Variants in YTHDC1 observed in about 807,000 individuals in gnomAD.
The protein encoded by YTHDC1 is YTH N6-methyladenosine RNA binding protein C1, also known as YTH domain-containing protein 1.
In YTHDC1, 12 loss-of-function variants were observed where a neutral mutation model predicts 107.0. That is an observed-to-expected ratio of 0.11 (90% CI 0.07 to 0.18). YTHDC1 has a LOEUF of 0.18. YTHDC1 is among the 10% of genes least tolerant of loss of function. YTHDC1 has a pLI of 1.00. For synonymous variants in YTHDC1, 280 were observed against 289.5 expected (o/e 0.97, Z 0.33); for missense variants, 635 against 898.8 (o/e 0.71, Z 3.75).
chr4:68,337,861 G>T lies in YTHDC1; in HGVS notation c.170C>A (p.Thr57Asn), dbSNP rs747785716. ...RKSDRMESTDTKRQKPSVHSR... is the reference protein window; with the variant it reads ...RKSDRMESTDNKRQKPSVHSR... ...ATGGACAGAAGGCTTTTGTCGTTTG[G>T]TATCAGTAGATTCCATTCGATCACT... Residue 57 changes from threonine (T) to asparagine (N), a missense_variant, in exon 3 of 17, where the codon ACC (threonine) becomes AAC (asparagine). Physicochemically the swap from Thr to Asn is moderately conservative, Grantham distance 65. This residue lies in a region of YTHDC1 where 294 missense variants were observed against 312.3 expected (regional missense o/e 0.94). Transcript: ENST00000344157. The T allele has an allele frequency of 6.2e-7, 1 of 1,613,166 alleles. No homozygotes were observed. The highest frequency in any genetic ancestry group is 2.2e-5 in the East Asian group (1 of 44,840).
intron 7 of YTHDC1, among the ~76,000 whole-genome samples, chr4:68,331,066 T>C (rs893508628): frequency 3.3e-5 from 5 of 152,120 alleles, no homozygotes; most frequent in African/African-American, 4.8e-5. Context: ...AAGTCCCTTA[T>C]ATAAAATGGC....
At chr4:68,343,543 ATTTTTTTTTTTTTTG>A in intron 1 of YTHDC1, among the ~76,000 whole-genome samples, 1 of 107,354 alleles carries the variant, frequency 9.3e-6, no homozygotes, top group East Asian at 2.5e-4. Context: ...AAAAAAAAAA[ATTTTTTTTTTTTTTG>A]AGACAGTCTC....
At chr4:68,334,165 CCTAT>C (rs36029036) in intron 4 of YTHDC1, among the ~76,000 whole-genome samples, 6,577 of 152,126 alleles carry the variant, frequency 0.043, 433 homozygotes, top group African/African-American at 0.15. Context: ...ATTCAGCTCT[CCTAT>C]CTGTTTATTT....
At position 68,346,099 on chromosome 4, in the gene YTHDC1, A is replaced by ATATATATATATG. The variant is rs961023477; in HGVS notation, c.28+3626_28+3627insCATATATATATA. On this transcript the variant is annotated intron_variant, in intron 1 of 16. Coordinates refer to ENST00000344157, the MANE Select transcript of YTHDC1 (RefSeq NM_001031732.4). ...TGTACATATATATATATATATATATATACACACACACCTGCATGTAACCGT... is the reference window on the plus strand; with the variant it reads ...TGTACATATATATATATATATATATATATATATATATGTACACACACACCTGCATGTAACCGT... Among the ~76,000 whole-genome samples, 791 of 141,444 alleles carry ATATATATATATG rather than the reference A, an allele frequency of 5.6e-3. 6 individuals carry two copies. The highest frequency in any genetic ancestry group is 0.02 in the African/African-American group (749 of 36,790). The allele number at this position is 141,444 out of a possible 152,430, so 92.8% of individuals were successfully genotyped here.
At position 68,349,777 on chromosome 4, in the gene YTHDC1, TGCCACCGCCGCCGCC is replaced by T; in HGVS notation, c.-39_-25del. 6.2e-7 allele frequency: 1 copy of T among 1,611,648 alleles called. No individual in the cohort carries two copies. Among genetic ancestry groups the T allele is most frequent in the Non-Finnish European group, 8.5e-7 (1 of 1,179,462 alleles). On this transcript the variant is annotated 5_prime_UTR_variant, in exon 1 of 17. Coordinates refer to ENST00000344157, the MANE Select transcript of YTHDC1 (RefSeq NM_001031732.4). ...ATGGCTCCCCTTCGGTTTCCGCCGC[TGCCACCGCCGCCGCC>T]GCTTAGACGCGACTCGCGCGGGCGC...
At chr4:68,320,739 T>C (rs1393934695) in intron 11 of YTHDC1, among the ~76,000 whole-genome samples, 1 of 152,260 alleles carries the variant, frequency 6.6e-6, no homozygotes, top group East Asian at 1.9e-4. Context: ...TACATGATCA[T>C]ACAGAAAATT....
chr4:68,332,420 T>G (rs571773459), intron 6 of YTHDC1, among the ~76,000 whole-genome samples: 1 of 152,264 alleles, frequency 6.6e-6, no homozygotes, highest in East Asian at 1.9e-4. Flanking sequence ...GATGTTCCGA[T>G]ATATCAAATC....
chr4:68,329,323 T>C (rs1271436140), intron 9 of YTHDC1, among the ~76,000 whole-genome samples: 2 of 152,200 alleles, frequency 1.3e-5, no homozygotes, highest in African/African-American at 4.8e-5. Context: ...ATAGCATTTT[T>C]CTTCTTTTTC....
intron 1 of YTHDC1, among the ~76,000 whole-genome samples, chr4:68,346,965 GT>G (rs1344891726): frequency 6.6e-6 from 1 of 152,188 alleles, no homozygotes; most frequent in Non-Finnish European, 1.5e-5. Context: ...GAGGTTGGGG[GT>G]CAGGGGAGAA....
chr4:68,316,264 T>A (rs746744277), intron 16 of YTHDC1, 50 bp downstream of exon 16: 1 of 1,561,922 alleles, frequency 6.4e-7, no homozygotes, highest in Non-Finnish European at 8.7e-7. Flanking sequence ...TTAAGTTACC[T>A]ACAGAATTCT....
At chr4:68,342,230 G>C (rs1197361319) in intron 1 of YTHDC1, among the ~76,000 whole-genome samples, 1 of 152,134 alleles carries the variant, frequency 6.6e-6, no homozygotes, top group Non-Finnish European at 1.5e-5. Context: ...GCTGGGGCTG[G>C]GGCTGAAATC....
At position 68,322,311 on chromosome 4, in the gene YTHDC1, A is replaced by G. The variant is rs1287295284; in HGVS notation, c.1601+438T>C. ...GTCATCTTCTGAAAAAATATTAGTGATCCTTTATAAAAGTCCCATATCTGA... is the reference window on the plus strand; with the variant it reads ...GTCATCTTCTGAAAAAATATTAGTGGTCCTTTATAAAAGTCCCATATCTGA... On this transcript the variant is annotated intron_variant, in intron 11 of 16. Transcript: ENST00000344157. The surrounding 1 kb of genome is among the most constrained non-coding windows in gnomAD (Gnocchi z 4.8). Among the ~76,000 whole-genome samples the G allele has an allele frequency of 6.6e-6, 1 of 152,200 alleles. No homozygotes were observed. The highest frequency in any genetic ancestry group is 1.5e-5 in the Non-Finnish European group (1 of 68,028).
intron 10 of YTHDC1, 144 bp downstream of exon 10, chr4:68,323,992 AGTT>A: frequency 1.5e-6 from 1 of 648,382 alleles, no homozygotes; most frequent in East Asian, 2.7e-5. Context: ...TCTCAATCAC[AGTT>A]ATTATAAACT....
rs770293209 is a variant in YTHDC1 at position 68,332,130 on chromosome 4, A to G, written c.1095T>C (p.His365=). The G allele has an allele frequency of 3.2e-5, 51 of 1,609,710 alleles. No homozygotes were observed. Among genetic ancestry groups the G allele is most frequent in the Admixed American group, 1.7e-4 (10 of 59,558 alleles). The change falls in exon 7 of 17, where the codon CAT becomes CAC. Residue 365 remains histidine (H), a synonymous_variant. Transcript: ENST00000344157. ...TCGCTTTGGCAAGAGACACATTCTC[A>G]TGGTTGTTACTCTTTATGAGGAAAA... is the stretch of plus-strand genomic sequence containing the variant. ...ARFFLIKSNN[H]ENVSLAKAKG...
intron 1 of YTHDC1, among the ~76,000 whole-genome samples, chr4:68,343,498 G>T (rs1273111304): frequency 1.4e-5 from 2 of 145,166 alleles, no homozygotes; most frequent in African/African-American, 5.1e-5. Context: ...CACCGTGCCC[G>T]GCCTTAAAAA....
Position 68,324,016 on chromosome 4 carries a change from T to G in YTHDC1, c.1434+123A>C, listed in dbSNP as rs372398649. ...CAGTTATTATAAACTTCAGATAAGA[T>G]TATTTTTTCAAATTCTCACGTGGTC... is the stretch of plus-strand genomic sequence containing the variant. On this transcript the variant is annotated intron_variant, in intron 10 of 16. Coordinates refer to ENST00000344157, the MANE Select transcript of YTHDC1 (RefSeq NM_001031732.4). 3.0e-5 allele frequency: 24 copies of G among 804,806 alleles called. No individual in the cohort carries two copies. The South Asian group carries it at 4.4e-4, about 15-fold the overall frequency. The allele number at this position is 804,806 out of a possible 1,614,324, so 49.9% of individuals were successfully genotyped here.
At chr4:68,316,484 C>A in intron 15 of YTHDC1, 36 bp from the exon 16 acceptor site, 1 of 1,597,648 alleles carries the variant, frequency 6.3e-7, no homozygotes, top group Non-Finnish European at 8.5e-7. Flanking sequence ...AAGAATCTAC[C>A]AACACCCTTG....
chr4:68,348,002 A>T (rs1400855730), intron 1 of YTHDC1, among the ~76,000 whole-genome samples: 1 of 152,242 alleles, frequency 6.6e-6, no homozygotes, highest in Non-Finnish European at 1.5e-5. Flanking sequence ...AATAAAAAAA[A>T]CTAAGCAAAT....
intron 15 of YTHDC1, among the ~76,000 whole-genome samples, chr4:68,317,847 T>C (rs1006315833): frequency 1.3e-5 from 2 of 152,172 alleles, no homozygotes; most frequent in African/African-American, 4.8e-5. Context: ...AATATTATAT[T>C]TGATAAGACA....
Sources: gnomAD v4.1 joint callset for allele counts (sites outside exome capture counted in the v4.1 genomes callset) on GRCh38, gnomAD v4.1.1 for gene constraint, gnomAD v4.1.1 regional missense constraint, Gnocchi (gnomAD v3.1) non-coding constraint, MANE v1.5 for transcripts, NCBI Gene and HGNC (gene_info 2026-07-23, HGNC 2026-07-21) for gene names.